The following CNTNAP2 variants were observed in gnomAD, a reference collection of about 807,000 sequenced individuals.
The protein encoded by CNTNAP2 is contactin associated protein 2, also known as contactin-associated protein-like 2.
CNTNAP2 carries 98 observed loss-of-function variants against 155.2 expected under a neutral mutation model. The observed-to-expected ratio is 0.63, with a 90% CI of 0.54 to 0.75. The LOEUF is 0.75. Among genes scored for constraint, CNTNAP2 ranks in the 30% least tolerant of loss-of-function variants. The probability of loss-of-function intolerance (pLI) is 0.00; values close to 1 mark genes in which losing one functional copy is unlikely to be tolerated. For missense variants in CNTNAP2, 1,727 were observed against 1,688.1 expected, an observed-to-expected ratio of 1.02 and a Z score of -0.40; for synonymous variants, 651 against 631.2, an observed-to-expected ratio of 1.03 and a Z score of -0.47.
rs754982346 is a variant in CNTNAP2 at position 146,906,234 on chromosome 7, C to T, written c.402+66330C>T. Among the ~76,000 whole-genome samples, 258 of 152,278 alleles carry T rather than the reference C, an allele frequency of 1.7e-3. 2 individuals carry two copies. Among genetic ancestry groups the T allele is most frequent in the Admixed American group, 3.5e-3 (54 of 15,300 alleles). On this transcript the variant is annotated intron_variant, in intron 3 of 23. Transcript: ENST00000361727. Reference sequence around the variant, plus strand: ...GCAGCGAGGCTGGGGGAGGGGCGCCCGCCATTGCCCAGGCTTGCTTAGGTA... The same window carrying T: ...GCAGCGAGGCTGGGGGAGGGGCGCCTGCCATTGCCCAGGCTTGCTTAGGTA...
At chr7:148,298,484 A>G (rs778761867) in intron 21 of CNTNAP2, among the ~76,000 whole-genome samples, 3 of 152,052 alleles carry the variant, frequency 2.0e-5, no homozygotes, top group Non-Finnish European at 2.9e-5. Context: ...GCTTTATTCT[A>G]GCCACACTGG....
At chr7:146,658,880 G>A (rs1800037817) in intron 1 of CNTNAP2, among the ~76,000 whole-genome samples, 1 of 152,148 alleles carries the variant, frequency 6.6e-6, no homozygotes, top group African/African-American at 2.4e-5. Flanking sequence ...AGGGAAAAGG[G>A]GAAAGGTGGT....
rs137908765 is a variant in CNTNAP2, at chr7:147,415,319, T to C, written c.1670+19539T>C. On this transcript the variant is annotated intron_variant, in intron 10 of 23. Coordinates refer to ENST00000361727, the MANE Select transcript of CNTNAP2 (RefSeq NM_014141.6). ...GATCAGTTCAAGCTAGTCCAATTGA[T>C]AAGGTTAGGCTTTGTGTCCCTACCC... Among the ~76,000 whole-genome samples, 1,176 of 152,342 alleles carry C rather than the reference T, an allele frequency of 7.7e-3. 11 individuals are homozygous for C. Among genetic ancestry groups the C allele is most frequent in the South Asian group, 0.062 (299 of 4,824 alleles).
chr7:148,300,067 A>C (rs920316131), intron 21 of CNTNAP2, among the ~76,000 whole-genome samples: 3 of 152,198 alleles, frequency 2.0e-5, no homozygotes, highest in Non-Finnish European at 4.4e-5. Context: ...AAGGACACAC[A>C]TCTACAGAGA....
At chr7:146,221,978 A>G (rs929761370) in intron 1 of CNTNAP2, among the ~76,000 whole-genome samples, 2 of 152,188 alleles carry the variant, frequency 1.3e-5, no homozygotes, top group Admixed American at 1.3e-4. Flanking sequence ...CTAATTCACA[A>G]GTGTTTGTGA....
At chr7:147,835,492 T>C (rs1040907198) in intron 13 of CNTNAP2, among the ~76,000 whole-genome samples, 8 of 152,160 alleles carry the variant, frequency 5.3e-5, no homozygotes, top group African/African-American at 1.4e-4. Context: ...TGTGCACCTG[T>C]CATCTTTAGT....
intron 8 of CNTNAP2, among the ~76,000 whole-genome samples, chr7:147,296,873 C>T (rs180858483): frequency 1.3e-3 from 198 of 152,220 alleles, no homozygotes; most frequent in African/African-American, 4.5e-3. Flanking sequence ...TAACTACAGT[C>T]CCTTGCACAC....
intron 21 of CNTNAP2, among the ~76,000 whole-genome samples, chr7:148,370,318 G>A (rs569956645): frequency 6.6e-6 from 1 of 152,162 alleles, no homozygotes; most frequent in Admixed American, 6.5e-5. Flanking sequence ...GTCCCAGATA[G>A]GGAGCTCTGG....
At chr7:147,622,813 T>A (rs1296564886) in intron 12 of CNTNAP2, among the ~76,000 whole-genome samples, 1 of 151,534 alleles carries the variant, frequency 6.6e-6, no homozygotes, top group Admixed American at 6.6e-5. Flanking sequence ...AAGAAAACAA[T>A]ACAAAAGACC....
At position 147,775,293 on chromosome 7, in the gene CNTNAP2, ATT is replaced by A. The variant is rs1454198787; in HGVS notation, c.2099-128270_2099-128269del. Among the ~76,000 whole-genome samples, 102 of 50,722 alleles carry A rather than the reference ATT, an allele frequency of 2.0e-3. 2 individuals carry two copies. The highest frequency in any genetic ancestry group is 9.2e-3 in the African/African-American group (63 of 6,818). The allele number at this position is 50,722 out of a possible 152,430, so 33.3% of individuals were successfully genotyped here. ...TATATATATATTTATAAATATATAT[ATT>A]TATATATATTTATAAATATATATAT... On this transcript the variant is annotated intron_variant, in intron 13 of 23. Transcript: ENST00000361727.
chr7:146,411,502 A>G (rs780382056), intron 1 of CNTNAP2, among the ~76,000 whole-genome samples: 1 of 152,104 alleles, frequency 6.6e-6, no homozygotes. Flanking sequence ...ATATGGTAAG[A>G]AGGTGAGGTA....
chr7:147,740,698 C>A (rs1173333521), intron 13 of CNTNAP2, among the ~76,000 whole-genome samples: 2 of 152,130 alleles, frequency 1.3e-5, no homozygotes, highest in South Asian at 2.1e-4. Flanking sequence ...TTGGAAGTAG[C>A]AAAATGTCAA....
intron 15 of CNTNAP2, among the ~76,000 whole-genome samples, chr7:148,073,078 A>G (rs1036209045): frequency 6.6e-6 from 1 of 152,112 alleles, no homozygotes; most frequent in African/African-American, 2.4e-5. Context: ...AACACCCTAC[A>G]TCCCCCAATT....
intron 14 of CNTNAP2, among the ~76,000 whole-genome samples, chr7:147,950,119 C>T (rs935179178): frequency 2.0e-4 from 31 of 151,974 alleles, no homozygotes; most frequent in Non-Finnish European, 3.1e-4. Context: ...GTGTTTCACA[C>T]GCCAGAGACC....
intron 1 of CNTNAP2, among the ~76,000 whole-genome samples, chr7:146,736,720 A>T (rs992062464): frequency 3.3e-5 from 5 of 152,162 alleles, no homozygotes; most frequent in African/African-American, 1.2e-4. Flanking sequence ...GATGCATTAC[A>T]GTTTATGGAC....
rs1178407767 is a variant in CNTNAP2, at chr7:146,483,282, A to AAAATATAT, written c.98-290988_98-290987insAATATATA. 1.6e-3 allele frequency among the ~76,000 whole-genome samples: 63 copies of AAAATATAT among 39,842 alleles called. 1 individual carries two copies. Among genetic ancestry groups the AAAATATAT allele is most frequent in the Middle Eastern group, 0.013 (1 of 80 alleles). 26.1% of individuals were successfully genotyped at this position (39,842 alleles called of 152,430 possible). On this transcript the variant is annotated intron_variant, in intron 1 of 23. Coordinates refer to ENST00000361727, the MANE Select transcript of CNTNAP2 (RefSeq NM_014141.6). ...CAGAGCAAGACTCCGTCTAAAAAAAAATATATATATATATATATATATATA... is the reference window on the plus strand; with the variant it reads ...CAGAGCAAGACTCCGTCTAAAAAAAAAAATATATATATATATATATATATATATATATA...
intron 9 of CNTNAP2, among the ~76,000 whole-genome samples, chr7:147,347,398 T>C (rs1795883325): frequency 6.9e-6 from 1 of 145,218 alleles, no homozygotes; most frequent in Non-Finnish European, 1.5e-5. Flanking sequence ...CTTACCTCTG[T>C]ATTTCCTCTT....
At chr7:146,829,805 G>A (rs144608301) in intron 2 of CNTNAP2, among the ~76,000 whole-genome samples, 21 of 152,102 alleles carry the variant, frequency 1.4e-4, no homozygotes, top group Admixed American at 3.9e-4. Context: ...ACGAGATTGA[G>A]TTTCCACATC....
At chr7:147,860,422 TCAA>T (rs1157874784) in intron 13 of CNTNAP2, among the ~76,000 whole-genome samples, 1 of 151,884 alleles carries the variant, frequency 6.6e-6, no homozygotes, top group African/African-American at 2.4e-5. Flanking sequence ...AGACTCCGTC[TCAA>T]CAACAACAAA....
Sources: allele counts gnomAD v4.1 joint callset (sites outside exome capture counted in the v4.1 genomes callset), GRCh38; gene constraint gnomAD v4.1.1; transcripts MANE v1.5; gene names NCBI Gene and HGNC (gene_info 2026-07-23, HGNC 2026-07-21).